TTYH3: variants seen among roughly 807,000 people sequenced by gnomAD.
TTYH3 encodes the protein protein tweety homolog 3.
Under a neutral mutation model 68.2 loss-of-function variants are expected in TTYH3, and 23 were observed. The observed-to-expected ratio is 0.34, with a 90% CI of 0.24 to 0.48. The LOEUF is 0.48. Ranked by LOEUF, TTYH3 falls within the 20% of genes least tolerant of loss-of-function variation. The pLI, the probability that TTYH3 is intolerant of heterozygous loss-of-function variation, is 0.99. For missense variants in TTYH3, 768 were observed against 727.7 expected (o/e 1.06, Z -0.64); for synonymous variants, 360 against 332.8 (o/e 1.08, Z -0.89).
chr7:2,646,486 G>T (rs1056337444), intron 1 of TTYH3, among the ~76,000 whole-genome samples: 1 of 152,208 alleles, frequency 6.6e-6, no homozygotes, highest in Non-Finnish European at 1.5e-5. Context: ...TGGGGCAGAC[G>T]TCCTGAGCAC....
intron 9 of TTYH3, among the ~76,000 whole-genome samples, chr7:2,653,301 G>A (rs1786243313): frequency 6.6e-6 from 1 of 152,142 alleles, no homozygotes; most frequent in Non-Finnish European, 1.5e-5. Context: ...TTGCTATGTT[G>A]CCCAGGTGGG....
intron 1 of TTYH3, among the ~76,000 whole-genome samples, chr7:2,642,835 G>C (rs1286551320): frequency 6.6e-6 from 1 of 151,646 alleles, no homozygotes; most frequent in East Asian, 1.9e-4. Context: ...AGCTAAGGCG[G>C]GCAGATCACC....
At chr7:2,635,479 C>G (rs1785632997) in intron 1 of TTYH3, among the ~76,000 whole-genome samples, 1 of 152,208 alleles carries the variant, frequency 6.6e-6, no homozygotes, top group East Asian at 1.9e-4. Context: ...CAGCCTCTCT[C>G]TCGGGCTGTC....
chr7:2,663,633 C>A lies in TTYH3; in HGVS notation c.*1894C>A, dbSNP rs1437294408. 1 of 152,584 alleles carries A rather than the reference C, an allele frequency of 6.6e-6. No homozygotes were observed. Among genetic ancestry groups the A allele is most frequent in the African/African-American group, 2.4e-5 (1 of 41,466 alleles). 9.5% of individuals were successfully genotyped at this position (152,584 alleles called of 1,614,324 possible). ...GACCCGCCAGGGGAGTTCTCCAGGC[C>A]TAGGGCCAGGAGAGAGGCCCTGGCA... On this transcript the variant is annotated 3_prime_UTR_variant, in exon 14 of 14. Coordinates refer to ENST00000258796, the MANE Select transcript of TTYH3 (RefSeq NM_025250.3).
Position 2,647,596 on chromosome 7 carries a change from T to C in TTYH3, c.584T>C (p.Leu195Pro), listed in dbSNP as rs1356534924. The change falls in exon 4 of 14, where the codon CTG becomes CCG. Residue 195 changes from leucine (L) to proline (P), a missense_variant. Leu to Pro is a moderately conservative substitution (Grantham distance 98). Transcript: ENST00000258796. ...IPFWRNTAVS[L>P]EVLAEQVDLY... ...TTTTGGAGGAACACGGCGGTGTCGC[T>C]GGAGGTGCTGGCGGAGCAGGTGGAT... The C allele has an allele frequency of 6.3e-7, 1 of 1,574,820 alleles. No homozygotes were observed. The highest frequency in any genetic ancestry group is 1.8e-5 in the Admixed American group (1 of 54,494).
chr7:2,659,013 T>G lies in TTYH3; in HGVS notation c.1498T>G (p.Ser500Ala), dbSNP rs146120155. The G allele has an allele frequency of 6.2e-7, 1 of 1,613,460 alleles. No homozygotes were observed. The highest frequency in any genetic ancestry group is 1.3e-5 in the African/African-American group (1 of 74,904). Reference protein sequence around the residue: ...PLIGRESPPPSYTSSMRAKYL... With the variant: ...PLIGRESPPPAYTSSMRAKYL... ...CATTGGGCGCGAGTCCCCGCCGCCC[T>G]CAGTAAGTCTTGGGGCAGGAGGGTG... Residue 500 changes from serine to alanine, a missense_variant and splice_region_variant, in exon 13 of 14, where the codon TCA (serine) becomes GCA (alanine). Ser to Ala is a moderately conservative substitution (Grantham distance 99, BLOSUM62 1). Coordinates refer to ENST00000258796, the MANE Select transcript of TTYH3 (RefSeq NM_025250.3).
Position 2,632,005 on chromosome 7 carries a change from AGCCGGGCCGAGCCGGGCCGG to A in TTYH3, c.-142_-123del. 6 of 541,414 alleles carry A rather than the reference AGCCGGGCCGAGCCGGGCCGG, an allele frequency of 1.1e-5. No homozygotes were observed. Among genetic ancestry groups the A allele is most frequent in the Non-Finnish European group, 1.4e-5 (6 of 420,918 alleles). 33.5% of individuals were successfully genotyped at this position (541,414 alleles called of 1,614,324 possible). On this transcript the variant is annotated 5_prime_UTR_variant, in exon 1 of 14. Transcript: ENST00000258796. ...GGCCGAGCGGAGCCGAGCGCAGCCG[AGCCGGGCCGAGCCGGGCCGG>A]GCCGGGCCCAGGAGCGCGCGGATGA...
At chr7:2,651,426 C>T (rs1786173339) in intron 7 of TTYH3, among the ~76,000 whole-genome samples, 1 of 152,238 alleles carries the variant, frequency 6.6e-6, no homozygotes, top group Non-Finnish European at 1.5e-5. Context: ...GGTGGGCCCG[C>T]TCTGCTAGGG....
chr7:2,633,667 G>A lies in TTYH3; in HGVS notation c.123+1389G>A, dbSNP rs1267206832. On this transcript the variant is annotated intron_variant, in intron 1 of 13. Coordinates refer to ENST00000258796, the MANE Select transcript of TTYH3 (RefSeq NM_025250.3). ...CTGATGGCTTTGCCACTTGTCCCTG[G>A]AGGACTCTGTTGAAGCTGCAAGGAG... Among the ~76,000 whole-genome samples the A allele has an allele frequency of 2.6e-5, 4 of 152,268 alleles. No individual in the cohort carries two copies. The East Asian group carries it at 7.7e-4, about 29-fold the overall frequency.
chr7:2,635,018 G>A (rs182929194), intron 1 of TTYH3, among the ~76,000 whole-genome samples: 17 of 152,224 alleles, frequency 1.1e-4, no homozygotes, highest in African/African-American at 4.1e-4. Context: ...ATCTGGGGTC[G>A]GCTCTGTGCA....
At chr7:2,648,970 G>GATATGGGGCCCGCA (rs1786082704) in intron 5 of TTYH3, among the ~76,000 whole-genome samples, 2 of 151,864 alleles carry the variant, frequency 1.3e-5, no homozygotes, top group Non-Finnish European at 2.9e-5. Flanking sequence ...CCCGCAGTGG[G>GATATGGGGCCCGCA]GTGTGGGGCC....
At chr7:2,644,932 C>G (rs1237125393) in intron 1 of TTYH3, among the ~76,000 whole-genome samples, 1 of 152,248 alleles carries the variant, frequency 6.6e-6, no homozygotes, top group African/African-American at 2.4e-5. Flanking sequence ...CTGAGCCTCT[C>G]ATCCCAAGGG....
intron 12 of TTYH3, 75 bp from the exon 13 acceptor site, chr7:2,658,865 C>A: frequency 6.9e-7 from 1 of 1,447,602 alleles, no homozygotes; most frequent in Non-Finnish European, 9.7e-7. Flanking sequence ...GCGGGCCTAC[C>A]CATGGGCCCC....
intron 1 of TTYH3, among the ~76,000 whole-genome samples, chr7:2,634,899 G>T (rs373666770): frequency 6.6e-6 from 1 of 152,108 alleles, no homozygotes; most frequent in Non-Finnish European, 1.5e-5. Flanking sequence ...GCCTGGAGTC[G>T]CAGGCTCCCC....
chr7:2,651,202 A>G (rs576802540), intron 7 of TTYH3, among the ~76,000 whole-genome samples: 1 of 152,276 alleles, frequency 6.6e-6, no homozygotes, highest in Admixed American at 6.5e-5. Flanking sequence ...AATAGGAAAT[A>G]GAAGGCCTGT....
chr7:2,662,236 G>T lies in TTYH3; in HGVS notation c.*497G>T. 1 of 220,044 alleles carries T rather than the reference G, an allele frequency of 4.5e-6. No individual in the cohort carries two copies. Among genetic ancestry groups the T allele is most frequent in the South Asian group, 6.6e-5 (1 of 15,182 alleles). The allele number at this position is 220,044 out of a possible 1,614,324, so 13.6% of individuals were successfully genotyped here. On this transcript the variant is annotated 3_prime_UTR_variant, in exon 14 of 14. Transcript: ENST00000258796. ...ATCTCTGCCCTGAGGTCACCCCGTG[G>T]TCCCTCCACGTGCCCATCTCTCTGC...
At chr7:2,640,405 G>GTGT (rs1360974256) in intron 1 of TTYH3, among the ~76,000 whole-genome samples, 1 of 151,608 alleles carries the variant, frequency 6.6e-6, no homozygotes, top group African/African-American at 2.4e-5. Flanking sequence ...TGTGTGTGTG[G>GTGT]GGGGGGACGT....
At position 2,636,543 on chromosome 7, in the gene TTYH3, A is replaced by T. The variant is rs1006510866; in HGVS notation, c.123+4265A>T. On this transcript the variant is annotated intron_variant, in intron 1 of 13. Transcript: ENST00000258796. ...TACCTACAGATGACAGAAGCGGGCC[A>T]GACACGGAGGCCCCCGGGGAGCTGG... Among the ~76,000 whole-genome samples the T allele has an allele frequency of 2.1e-4, 32 of 152,332 alleles. No individual in the cohort carries two copies. In the East Asian group the frequency reaches 6.2e-3, roughly 29 times the overall value.
chr7:2,639,230 C>T (rs376015992), intron 1 of TTYH3, among the ~76,000 whole-genome samples: 15 of 152,214 alleles, frequency 9.9e-5, no homozygotes, highest in Middle Eastern at 3.2e-3. Context: ...CACGTCCTCC[C>T]GGAGCCCCGT....
Sources: allele counts gnomAD v4.1 joint callset (sites outside exome capture counted in the v4.1 genomes callset), GRCh38; gene constraint gnomAD v4.1.1; transcripts MANE v1.5; gene names NCBI Gene and HGNC (gene_info 2026-07-23, HGNC 2026-07-21).